The following TBC1D1 variants were observed in gnomAD, a reference collection of about 807,000 sequenced individuals.
TBC1D1 encodes TBC1 domain family member 1, also known as TBC1 (tre-2/USP6, BUB2, cdc16) domain family, member 1.
Under a neutral mutation model 125.6 loss-of-function variants are expected in TBC1D1, and 89 were observed. The ratio of observed to expected loss-of-function variants is 0.71; its 90% CI spans 0.60 to 0.85. The LOEUF (loss-of-function observed/expected upper bound fraction) is 0.85. TBC1D1 is among the 40% of genes least tolerant of loss of function. TBC1D1 has a pLI of 0.00. For synonymous variants in TBC1D1, 565 were observed against 564.1 expected, an observed-to-expected ratio of 1.00 and a Z score of -0.02; for missense variants, 1,377 against 1,469.2, an observed-to-expected ratio of 0.94 and a Z score of 1.03.
At chr4:37,924,920 G>A (rs1269581303) in intron 2 of TBC1D1, among the ~76,000 whole-genome samples, 2 of 152,210 alleles carry the variant, frequency 1.3e-5, no homozygotes, top group African/African-American at 2.4e-5. Context: ...AACCAAGCAT[G>A]TGCTATGTAT....
At chr4:38,058,715 C>T (rs746879540) in intron 12 of TBC1D1, among the ~76,000 whole-genome samples, 6 of 152,156 alleles carry the variant, frequency 3.9e-5, no homozygotes, top group Non-Finnish European at 5.9e-5. Flanking sequence ...CCATCCATGT[C>T]ATCCCACTTG....
In TBC1D1 at chr4:37,948,737, C is replaced by T. The variant is rs572927243; in HGVS notation, c.417+46225C>T. On this transcript the variant is annotated intron_variant, in intron 2 of 19. Transcript: ENST00000261439. ...GTTAATTTCAGTGTTTTTGGCACTC[C>T]CCCAAAAAACCTGTACGTATCAGCT... Among the ~76,000 whole-genome samples, 60 of 152,164 alleles carry T rather than the reference C, an allele frequency of 3.9e-4. 1 individual carries two copies. Among genetic ancestry groups the T allele is most frequent in the African/African-American group, 1.4e-3 (58 of 41,504 alleles).
At chr4:38,103,902 G>A (rs1367402711) in intron 15 of TBC1D1, among the ~76,000 whole-genome samples, 1 of 151,896 alleles carries the variant, frequency 6.6e-6, no homozygotes, top group Non-Finnish European at 1.5e-5. Flanking sequence ...GCTCACGCCT[G>A]TAATCTCAGC....
At chr4:38,117,671 A>G (rs575704968) in intron 16 of TBC1D1, among the ~76,000 whole-genome samples, 1 of 152,346 alleles carries the variant, frequency 6.6e-6, no homozygotes, top group African/African-American at 2.4e-5. Flanking sequence ...CTTATTTCTA[A>G]TTCCTCCAGG....
At chr4:38,021,428 C>A (rs1370067580) in intron 5 of TBC1D1, among the ~76,000 whole-genome samples, 158 bp from the exon 6 acceptor site, 1 of 152,196 alleles carries the variant, frequency 6.6e-6, no homozygotes, top group Non-Finnish European at 1.5e-5. Flanking sequence ...AGACTGTAAT[C>A]CTAGCTGTTA....
At chr4:38,124,874 T>C in intron 17 of TBC1D1, 88 bp from the exon 20 acceptor site, 1 of 1,143,454 alleles carries the variant, frequency 8.7e-7, no homozygotes, top group Admixed American at 2.0e-5. Flanking sequence ...CCCACACTCC[T>C]GCTCTGTGAT....
intron 2 of TBC1D1, among the ~76,000 whole-genome samples, chr4:37,991,049 G>T (rs1345545478): frequency 6.9e-6 from 1 of 145,470 alleles, no homozygotes; most frequent in East Asian, 2.1e-4. Context: ...CCCAGCTGCT[G>T]ACCTGGGGCG....
At chr4:38,057,035 G>A (rs988307587) in intron 12 of TBC1D1, among the ~76,000 whole-genome samples, 4 of 152,074 alleles carry the variant, frequency 2.6e-5, no homozygotes, top group Non-Finnish European at 4.4e-5. Context: ...CATAGATGCT[G>A]CTCCTCCTGT....
intron 16 of TBC1D1, 47 bp downstream of exon 18, chr4:38,116,001 G>GT: frequency 6.3e-7 from 1 of 1,596,098 alleles, no homozygotes; most frequent in Non-Finnish European, 8.6e-7. Flanking sequence ...TGCTAAGAAT[G>GT]TTTCTTATCC....
intron 12 of TBC1D1, among the ~76,000 whole-genome samples, chr4:38,064,861 G>C (rs1209131006): frequency 6.6e-6 from 1 of 151,946 alleles, no homozygotes; most frequent in East Asian, 1.9e-4. Flanking sequence ...CCGACCTCGC[G>C]ATTCACCTGC....
intron 2 of TBC1D1, among the ~76,000 whole-genome samples, chr4:37,978,607 A>G (rs1284208034): frequency 6.6e-6 from 1 of 152,260 alleles, no homozygotes; most frequent in African/African-American, 2.4e-5. Context: ...CACAGAAACT[A>G]GATAACACTA....
At chr4:37,908,339 G>A (rs142530275) in intron 2 of TBC1D1, among the ~76,000 whole-genome samples, 39 of 152,212 alleles carry the variant, frequency 2.6e-4, no homozygotes, top group African/African-American at 7.7e-4. Context: ...CTGAGTAGCT[G>A]GGATTACAGG....
At chr4:37,939,981 G>C (rs1725205291) in intron 2 of TBC1D1, among the ~76,000 whole-genome samples, 1 of 152,148 alleles carries the variant, frequency 6.6e-6, no homozygotes, top group Non-Finnish European at 1.5e-5. Context: ...TGTTCTTTTG[G>C]CTTAGGATTG....
chr4:38,109,013 G>T (rs957184515), intron 15 of TBC1D1, among the ~76,000 whole-genome samples: 1 of 152,340 alleles, frequency 6.6e-6, no homozygotes, highest in South Asian at 2.1e-4. Context: ...TGAGGGGCAG[G>T]TGGAGCTGCT....
intron 9 of TBC1D1, 85 bp from the exon 10 acceptor site, chr4:38,045,732 T>C: frequency 1.1e-6 from 1 of 915,822 alleles, no homozygotes; most frequent in South Asian, 1.3e-5. Context: ...TTTCCTGAGC[T>C]TATTTAAATG....
intron 17 of TBC1D1, 21 bp from the exon 20 acceptor site, chr4:38,124,941 T>C (rs1453835179): frequency 1.2e-6 from 2 of 1,611,150 alleles, no homozygotes; most frequent in African/African-American, 1.3e-5. Context: ...TTTAACTTTC[T>C]GCATTTCTGT....
chr4:38,065,540 G>A (rs114485507), intron 12 of TBC1D1, among the ~76,000 whole-genome samples: 6,328 of 152,088 alleles, frequency 0.042, 183 homozygotes, highest in South Asian at 0.082. Flanking sequence ...GCAATGAAGC[G>A]CATCAGATAT....
intron 2 of TBC1D1, among the ~76,000 whole-genome samples, chr4:37,920,672 G>A (rs1720757501): frequency 6.6e-6 from 1 of 152,188 alleles, no homozygotes; most frequent in Admixed American, 6.5e-5. Flanking sequence ...AACGATGAGA[G>A]AGGTTAATAT....
At chr4:37,923,057 T>A (rs544103962) in intron 2 of TBC1D1, among the ~76,000 whole-genome samples, 172 of 152,258 alleles carry the variant, frequency 1.1e-3, no homozygotes, top group Middle Eastern at 3.4e-3. Context: ...GATGCACCCA[T>A]CAACCCATCA....
Sources: allele counts gnomAD v4.1 joint callset (sites outside exome capture counted in the v4.1 genomes callset), GRCh38; gene constraint gnomAD v4.1.1; transcripts MANE v1.5; gene names NCBI Gene and HGNC (gene_info 2026-07-23, HGNC 2026-07-21).